The following FBXO3 variants were observed in gnomAD, a reference collection of about 807,000 sequenced individuals.
FBXO3 encodes the protein F-box protein 3.
Under a neutral mutation model 64.8 loss-of-function variants are expected in FBXO3, and 17 were observed. That is an observed-to-expected ratio of 0.26 (90% CI 0.18 to 0.39). The LOEUF is 0.39. Ranked by LOEUF, FBXO3 falls within the 10% of genes least tolerant of loss-of-function variation. FBXO3 has a pLI of 1.00. For missense variants in FBXO3, 420 were observed against 589.9 expected, an observed-to-expected ratio of 0.71 and a Z score of 2.98; for synonymous variants, 182 against 201.6, an observed-to-expected ratio of 0.90 and a Z score of 0.82.
intron 4 of FBXO3, among the ~76,000 whole-genome samples, chr11:33,757,796 A>C (rs1042216579): frequency 6.6e-6 from 1 of 151,680 alleles, no homozygotes; most frequent in Non-Finnish European, 1.5e-5. Context: ...ATCTCTACAA[A>C]AAATACAAAA....
Position 33,758,555 on chromosome 11 carries a change from G to A in FBXO3, c.405C>T (p.Gly135=), listed in dbSNP as rs1288690884. ...ATCGATAATCGTCAGGAAGCTTGCAGCCAATCTGCGCTTCCACAGCATCGA... is the reference window on the plus strand; with the variant it reads ...ATCGATAATCGTCAGGAAGCTTGCAACCAATCTGCGCTTCCACAGCATCGA... The part of the protein sequence containing the change: ...EDLDAVEAQI[G]CKLPDDYRCS... The change falls in exon 4 of 11, where the codon GGC becomes GGT. Residue 135 remains glycine, a synonymous_variant. Transcript: ENST00000265651. The A allele has an allele frequency of 6.2e-7, 1 of 1,609,806 alleles. No individual in the cohort carries two copies. Among genetic ancestry groups the A allele is most frequent in the African/African-American group, 1.3e-5 (1 of 74,894 alleles).
At position 33,742,301 on chromosome 11, in the gene FBXO3, G is replaced by T. The variant is rs973640078; in HGVS notation, c.1240-217C>A. On this transcript the variant is annotated intron_variant, in intron 10 of 10. Coordinates refer to ENST00000265651, the MANE Select transcript of FBXO3 (RefSeq NM_012175.4). ...AAATAATGCTCAGTGTGATTTTTTT[G>T]TTGTTGTTTAATGGAAGATCTTCTT... 6.8e-5 allele frequency: 25 copies of T among 366,944 alleles called. No homozygotes were observed. The East Asian group carries it at 8.4e-4, about 12-fold the overall frequency. The allele number at this position is 366,944 out of a possible 1,614,324, so 22.7% of individuals were successfully genotyped here.
At chr11:33,746,684 T>C in intron 10 of FBXO3, 1 of 1,252,010 alleles carries the variant, frequency 8.0e-7, no homozygotes, top group Non-Finnish European at 1.1e-6. Flanking sequence ...AAAATATACC[T>C]AGTTGACTTA....
intron 8 of FBXO3, 63 bp from the exon 9 acceptor site, chr11:33,748,955 GATA>G: frequency 8.9e-7 from 1 of 1,124,912 alleles, no homozygotes; most frequent in Middle Eastern, 2.0e-4. Flanking sequence ...TGGTTTAAGA[GATA>G]CAGTATTCAG....
intron 4 of FBXO3, among the ~76,000 whole-genome samples, chr11:33,757,739 T>C (rs1167236880): frequency 6.8e-6 from 1 of 147,758 alleles, no homozygotes; most frequent in Non-Finnish European, 1.5e-5. Context: ...CAGGAATTTT[T>C]TGAGCCCAGG....
At chr11:33,747,737 C>G (rs530245453) in intron 9 of FBXO3, among the ~76,000 whole-genome samples, 1 of 152,204 alleles carries the variant, frequency 6.6e-6, no homozygotes, top group Admixed American at 6.5e-5. Context: ...GTCTCAAACT[C>G]CTGACCTCAG....
intron 6 of FBXO3, chr11:33,753,376 A>C (rs1855011133): frequency 6.6e-6 from 1 of 152,222 alleles, no homozygotes; most frequent in Non-Finnish European, 1.5e-5. Flanking sequence ...AGAGTAAGGA[A>C]CTCACAGAGG....
chr11:33,762,302 A>G (rs771299240), intron 3 of FBXO3, among the ~76,000 whole-genome samples: 23 of 152,204 alleles, frequency 1.5e-4, no homozygotes, highest in Non-Finnish European at 2.8e-4. Flanking sequence ...ATTTTACCTA[A>G]TTATATATAC....
At chr11:33,771,172 G>T (rs1472067906) in intron 1 of FBXO3, 1 of 162,274 alleles carries the variant, frequency 6.2e-6, no homozygotes, top group Non-Finnish European at 1.3e-5. Flanking sequence ...CTACATATAG[G>T]AAGAAAGTTA....
chr11:33,757,611 G>A (rs1855134951), intron 4 of FBXO3, among the ~76,000 whole-genome samples: 1 of 124,478 alleles, frequency 8.0e-6, no homozygotes, highest in South Asian at 2.8e-4. Flanking sequence ...TTGAGCCCAG[G>A]AGTTAAATAC....
intron 10 of FBXO3, chr11:33,744,192 G>A (rs575976068): frequency 6.6e-6 from 1 of 152,172 alleles, no homozygotes; most frequent in African/African-American, 2.4e-5. Context: ...GAAAGGCTTA[G>A]GAAGTTCTAA....
intron 6 of FBXO3, chr11:33,753,908 T>G (rs1855025882): frequency 6.6e-6 from 1 of 152,202 alleles, no homozygotes; most frequent in African/African-American, 2.4e-5. Flanking sequence ...TGAGCTGTAG[T>G]TACTTACAAA....
chr11:33,758,347 T>A, intron 4 of FBXO3, 140 bp downstream of exon 4: 1 of 509,010 alleles, frequency 2.0e-6, no homozygotes, highest in Non-Finnish European at 3.4e-6. Context: ...GATTTTGTCT[T>A]ATGGATTGCT....
chr11:33,761,444 G>A (rs1416700495), intron 3 of FBXO3, among the ~76,000 whole-genome samples: 1 of 152,132 alleles, frequency 6.6e-6, no homozygotes, highest in Admixed American at 6.5e-5. Context: ...TAGAGCTAAT[G>A]GAGGACTTTT....
intron 7 of FBXO3, among the ~76,000 whole-genome samples, chr11:33,751,161 A>G (rs11826154): frequency 0.29 from 43,460 of 152,068 alleles, 6,600 homozygotes; most frequent in African/African-American, 0.38. Context: ...GAGATAATAA[A>G]TATTTGCCAG....
chr11:33,748,920 C>T (rs1854883880), intron 8 of FBXO3, 28 bp from the exon 9 acceptor site: 1 of 1,475,596 alleles, frequency 6.8e-7, no homozygotes, highest in Non-Finnish European at 9.5e-7. Context: ...GTGGTAGAGA[C>T]AAAAATCTGG....
chr11:33,759,916 T>C (rs2133611191), intron 3 of FBXO3, among the ~76,000 whole-genome samples: 1 of 152,126 alleles, frequency 6.6e-6, no homozygotes, highest in African/African-American at 2.4e-5. Context: ...AAGAATACAC[T>C]GAAAGGGTTT....
At position 33,743,565 on chromosome 11, in the gene FBXO3, C is replaced by T. The variant is rs1854739614; in HGVS notation, c.1240-1481G>A. On this transcript the variant is annotated intron_variant, in intron 10 of 10. Transcript: ENST00000265651. This position sits in a 1 kb window ranked among gnomAD's most constrained non-coding sequence, Gnocchi z 4.6. ...AAGGCTTTTATGGTGTTACGTGATC[C>T]ACCACCCCATTAACACTCTGATCTA... 6.6e-6 allele frequency: 1 copy of T among 152,268 alleles called. No individual in the cohort carries two copies. The highest frequency in any genetic ancestry group is 1.5e-5 in the Non-Finnish European group (1 of 68,098). The allele number at this position is 152,268 out of a possible 1,614,324, so 9.4% of individuals were successfully genotyped here.
At chr11:33,772,612 T>C (rs1415220843) in intron 1 of FBXO3, 1 of 152,304 alleles carries the variant, frequency 6.6e-6, no homozygotes, top group Non-Finnish European at 1.5e-5. Context: ...GCTTCATATA[T>C]GGCAGCTCCT....
Sources: allele counts gnomAD v4.1 joint callset (sites outside exome capture counted in the v4.1 genomes callset), GRCh38; gene constraint gnomAD v4.1.1; non-coding constraint Gnocchi (gnomAD v3.1); transcripts MANE v1.5; gene names NCBI Gene and HGNC (gene_info 2026-07-23, HGNC 2026-07-21).